GGN: variants seen among roughly 807,000 people sequenced by gnomAD.
GGN encodes gametogenetin.
A neutral mutation model predicts 35.5 loss-of-function variants in GGN; 27 were observed. The ratio of observed to expected loss-of-function variants is 0.76; its 90% CI spans 0.56 to 1.05. The LOEUF is 1.05. Among genes scored for constraint, GGN ranks in the 50% least tolerant of loss-of-function variants. The probability of loss-of-function intolerance (pLI) is 0.00; values close to 1 mark genes in which losing one functional copy is unlikely to be tolerated. For synonymous variants in GGN, 425 were observed against 444.1 expected, an observed-to-expected ratio of 0.96 and a Z score of 0.54; for missense variants, 1,006 against 940.7, an observed-to-expected ratio of 1.07 and a Z score of -0.91.
Position 38,386,768 on chromosome 19 carries a change from G to C in GGN, c.494C>G (p.Pro165Arg). Residue 165 changes from proline (P) to arginine (R), a missense_variant, in exon 3 of 4, where the codon CCG (proline) becomes CGG (arginine). Transcript: ENST00000334928. ...DTVPRAPSQF[P>R]PPLETWKPPP... ...CGGCTTCCAAGTCTCCAGGGGCGGC[G>C]GAAATTGGGATGGGGCCCTCGGGAC... is the stretch of plus-strand genomic sequence containing the variant. The C allele has an allele frequency of 6.2e-7, 1 of 1,610,404 alleles. No homozygotes were observed. The highest frequency in any genetic ancestry group is 8.5e-7 in the Non-Finnish European group (1 of 1,177,736).
rs1426422439 is a variant in GGN at position 38,386,884 on chromosome 19, C to T, written c.378G>A (p.Leu126=). The part of the protein sequence containing the change: ...GTPVPRIRRL[L]EASHRGQGDP... ...CGCCCTGGCCGCGATGGCTCGCCTCCAGCAGGCGGCGGATCCGGGGAACTG... is the reference window on the plus strand; with the variant it reads ...CGCCCTGGCCGCGATGGCTCGCCTCTAGCAGGCGGCGGATCCGGGGAACTG... The change falls in exon 3 of 4, where the codon CTG becomes CTA. Residue 126 remains leucine (L), a synonymous_variant. Coordinates refer to ENST00000334928, the MANE Select transcript of GGN (RefSeq NM_152657.4). 1.1e-5 allele frequency: 17 copies of T among 1,575,514 alleles called. No individual in the cohort carries two copies. The highest frequency in any genetic ancestry group is 1.5e-5 in the Non-Finnish European group (17 of 1,161,708).
chr19:38,384,352 T>C lies in GGN; in HGVS notation c.*60A>G. ...GCGAGTGATTGACAGGCTGCTGGCATCTGGATTGGTTATTTTATTGGCATG... is the reference window on the plus strand; with the variant it reads ...GCGAGTGATTGACAGGCTGCTGGCACCTGGATTGGTTATTTTATTGGCATG... On this transcript the variant is annotated 3_prime_UTR_variant, in exon 4 of 4. Transcript: ENST00000334928. The C allele has an allele frequency of 8.0e-7, 1 of 1,248,844 alleles. No individual in the cohort carries two copies. 77.4% of individuals were successfully genotyped at this position (1,248,844 alleles called of 1,614,324 possible).
At position 38,387,305 on chromosome 19, in the gene GGN, C is replaced by G. The variant is rs747274734; in HGVS notation, c.-19-25G>C. 6.5e-7 allele frequency: 1 copy of G among 1,527,330 alleles called. No individual in the cohort carries two copies. Among genetic ancestry groups the G allele is most frequent in the South Asian group, 1.2e-5 (1 of 82,006 alleles). The allele number at this position is 1,527,330 out of a possible 1,614,324, so 94.6% of individuals were successfully genotyped here. A position where few individuals can be genotyped will look rare whatever the true frequency, so the allele number is the denominator to read the frequency against. On this transcript the variant is annotated intron_variant, in intron 2 of 3. Transcript: ENST00000334928. This position sits in a 1 kb window ranked among gnomAD's most constrained non-coding sequence, Gnocchi z 5.3. ...ACTAGTCAGAAAAATTTACTCCAGT[C>G]AGCCTGCCAGGGCCGTGGGGACCCT...
chr19:38,385,462 G>T lies in GGN; in HGVS notation c.1800C>A (p.His600Gln). The T allele has an allele frequency of 1.2e-6, 2 of 1,614,170 alleles. No individual in the cohort carries two copies. Among genetic ancestry groups the T allele is most frequent in the South Asian group, 1.1e-5 (1 of 91,090 alleles). Residue 600 changes from histidine to glutamine, a missense_variant, in exon 3 of 4, where the codon CAC becomes CAA. By Grantham distance (24) the His-to-Gln change is conservative (BLOSUM62 0). Coordinates refer to ENST00000334928, the MANE Select transcript of GGN (RefSeq NM_152657.4). ...NSCPCKCYCH[H>Q]QPRHRRLPRN... ...GTGGCAGGCGGCGATGGCGTGGCTG[G>T]TGGTGGCAGTAACACTTGCAGGGAC...
rs765207652 is a variant in GGN at position 38,385,517 on chromosome 19, T to C, written c.1745A>G (p.His582Arg). 1 of 1,614,110 alleles carries C rather than the reference T, an allele frequency of 6.2e-7. No individual in the cohort carries two copies. The highest frequency in any genetic ancestry group is 1.1e-5 in the South Asian group (1 of 91,082). ...GTTAAGCACCTGGAAGGGCAGCCAGTGGCGCGCAGCGCGGGTGTTAGCTGC... is the reference window on the plus strand; with the variant it reads ...GTTAAGCACCTGGAAGGGCAGCCAGCGGCGCGCAGCGCGGGTGTTAGCTGC... ...TGAANTRAAR[H>R]WLPFQVLNSC... Residue 582 changes from histidine (H) to arginine (R), a missense_variant, in exon 3 of 4, where the codon CAC becomes CGC. Physicochemically the swap from His to Arg is conservative, Grantham distance 29. Transcript: ENST00000334928.
At position 38,387,223 on chromosome 19, in the gene GGN, G is replaced by T; in HGVS notation, c.39C>A (p.Gly13=). ...GGTCCGAGGGCTGCACTTTTCGGGA[G>T]CCCCCGCCCGCGGATGGCTCCGACT... The part of the protein sequence containing the change: ...NLQSEPSAGG[G]SRKVQPSDRA... The change falls in exon 3 of 4, where the codon GGC becomes GGA. Residue 13 remains glycine, a synonymous_variant. Coordinates refer to ENST00000334928, the MANE Select transcript of GGN (RefSeq NM_152657.4). The surrounding 1 kb of genome is among the most constrained non-coding windows in gnomAD (Gnocchi z 5.3). 2 of 1,593,642 alleles carry T rather than the reference G, an allele frequency of 1.3e-6. No homozygotes were observed. The highest frequency in any genetic ancestry group is 1.7e-6 in the Non-Finnish European group (2 of 1,171,428).
rs1319710066 is a variant in GGN at position 38,386,420 on chromosome 19, C to T, written c.842G>A (p.Gly281Asp). The T allele has an allele frequency of 3.1e-6, 5 of 1,612,818 alleles. No homozygotes were observed. Among genetic ancestry groups the T allele is most frequent in the Non-Finnish European group, 4.2e-6 (5 of 1,179,934 alleles). The change falls in exon 3 of 4, where the codon GGT (glycine) becomes GAT (aspartate). Residue 281 changes from glycine to aspartate, a missense_variant. Coordinates refer to ENST00000334928, the MANE Select transcript of GGN (RefSeq NM_152657.4). Reference sequence around the variant, plus strand: ...CAGGACCTCGGCGTAAGAGATGGCACCTGAGGCAGCAAAGAGGCCGCCGCC... The same window carrying T: ...CAGGACCTCGGCGTAAGAGATGGCATCTGAGGCAGCAAAGAGGCCGCCGCC... ...GGGGGLFAASGAISYAEVLKQ... is the reference protein window; with the variant it reads ...GGGGGLFAASDAISYAEVLKQ...
Position 38,385,765 on chromosome 19 carries a change from A to AGCCGGGGATGGGGCCGGGGCCGGG in GGN, c.1496_1497insCCCGGCCCCGGCCCCATCCCCGGC (p.Ala495_Pro502dup), listed in dbSNP as rs539043327. On this transcript the variant is annotated inframe_insertion, in exon 3 of 4. Coordinates refer to ENST00000334928, the MANE Select transcript of GGN (RefSeq NM_152657.4). Reference sequence around the variant, plus strand: ...AGGGCTCAGCCACGGTGGGAGCTGGAGCCGGGGATGGGGCCGGGGCCTGGT... The same window carrying AGCCGGGGATGGGGCCGGGGCCGGG: ...AGGGCTCAGCCACGGTGGGAGCTGGAGCCGGGGATGGGGCCGGGGCCGGGGCCGGGGATGGGGCCGGGGCCTGGT... 89,958 of 1,574,238 alleles carry AGCCGGGGATGGGGCCGGGGCCGGG rather than the reference A, an allele frequency of 0.057. 3,769 individuals are homozygous for AGCCGGGGATGGGGCCGGGGCCGGG. Among genetic ancestry groups the AGCCGGGGATGGGGCCGGGGCCGGG allele is most frequent in the East Asian group, 0.17 (7,516 of 43,340 alleles).
In GGN at chr19:38,387,224, C is replaced by T; in HGVS notation, c.38G>A (p.Gly13Asp). The change falls in exon 3 of 4, where the codon GGC becomes GAC. Residue 13 changes from glycine to aspartate, a missense_variant. Physicochemically the swap from Gly to Asp is moderately conservative, Grantham distance 94. Transcript: ENST00000334928. The surrounding 1 kb of genome is among the most constrained non-coding windows in gnomAD (Gnocchi z 5.3). Reference sequence around the variant, plus strand: ...GTCCGAGGGCTGCACTTTTCGGGAGCCCCCGCCCGCGGATGGCTCCGACTG... The same window carrying T: ...GTCCGAGGGCTGCACTTTTCGGGAGTCCCCGCCCGCGGATGGCTCCGACTG... ...NLQSEPSAGGGSRKVQPSDRA... is the reference protein window; with the variant it reads ...NLQSEPSAGGDSRKVQPSDRA... 2 of 1,594,506 alleles carry T rather than the reference C, an allele frequency of 1.3e-6. No individual in the cohort carries two copies. Among genetic ancestry groups the T allele is most frequent in the East Asian group, 2.3e-5 (1 of 43,580 alleles).
Position 38,386,205 on chromosome 19 carries a change from A to T in GGN, c.1057T>A (p.Trp353Arg). The T allele has an allele frequency of 6.2e-7, 1 of 1,605,352 alleles. No individual in the cohort carries two copies. The highest frequency in any genetic ancestry group is 8.5e-7 in the Non-Finnish European group (1 of 1,179,042). Residue 353 changes from tryptophan to arginine, a missense_variant, in exon 3 of 4, where the codon TGG (tryptophan) becomes AGG (arginine). By Grantham distance (101) the Trp-to-Arg change is moderately radical. Transcript: ENST00000334928. ...TFPGSKPKFD[W>R]VSAPDGPERH... ...TCAGGGCCGTCGGGAGCGCTAACCC[A>T]GTCGAATTTGGGCTTCGAGCCTGGG...
At position 38,385,796 on chromosome 19, in the gene GGN, G is replaced by A. The variant is rs1970704012; in HGVS notation, c.1466C>T (p.Ala489Val). 6.5e-7 allele frequency: 1 copy of A among 1,545,006 alleles called. No individual in the cohort carries two copies. The highest frequency in any genetic ancestry group is 2.0e-5 in the Admixed American group (1 of 50,750). ...TAAPALPPAL[A>V]ADQAPAPSPA... ...GGATGGGGCCGGGGCCTGGTCGGCGGCTAAGGCTGGGGGCAGAGCAGGGGC... is the reference window on the plus strand; with the variant it reads ...GGATGGGGCCGGGGCCTGGTCGGCGACTAAGGCTGGGGGCAGAGCAGGGGC... Residue 489 changes from alanine (A) to valine (V), a missense_variant, in exon 3 of 4, where the codon GCC becomes GTC. Transcript: ENST00000334928.
Position 38,384,329 on chromosome 19 carries a change from G to T in GGN, c.*83C>A. Reference sequence around the variant, plus strand: ...GCTGCACCCTACCCACTGCCTTGGCGAGTGATTGACAGGCTGCTGGCATCT... The same window carrying T: ...GCTGCACCCTACCCACTGCCTTGGCTAGTGATTGACAGGCTGCTGGCATCT... On this transcript the variant is annotated 3_prime_UTR_variant, in exon 4 of 4. Coordinates refer to ENST00000334928, the MANE Select transcript of GGN (RefSeq NM_152657.4). The T allele has an allele frequency of 5.0e-6, 5 of 995,962 alleles. No individual in the cohort carries two copies. Among genetic ancestry groups the T allele is most frequent in the Non-Finnish European group, 4.8e-6 (3 of 629,870 alleles). The allele number at this position is 995,962 out of a possible 1,614,324, so 61.7% of individuals were successfully genotyped here.
chr19:38,386,150 C>G lies in GGN; in HGVS notation c.1112G>C (p.Gly371Ala). ...ACGCCGTCGCGGCGCCCCGATGCCT[C>G]CGCCAGCCCCGTTGAAGCGGAAGTG... Reference protein sequence around the residue: ...ERHFRFNGAGGGIGAPRRRAA... With the variant: ...ERHFRFNGAGAGIGAPRRRAA... Residue 371 changes from glycine to alanine, a missense_variant, in exon 3 of 4, where the codon GGA becomes GCA. Coordinates refer to ENST00000334928, the MANE Select transcript of GGN (RefSeq NM_152657.4). 6.3e-7 allele frequency: 1 copy of G among 1,585,886 alleles called. No homozygotes were observed. Among genetic ancestry groups the G allele is most frequent in the South Asian group, 1.1e-5 (1 of 88,856 alleles).
Position 38,384,485 on chromosome 19 carries a change from G to A in GGN, c.1886C>T (p.Ala629Val). 1 of 1,614,070 alleles carries A rather than the reference G, an allele frequency of 6.2e-7. No individual in the cohort carries two copies. Among genetic ancestry groups the A allele is most frequent in the South Asian group, 1.1e-5 (1 of 91,080 alleles). Residue 629 changes from alanine (A) to valine (V), a missense_variant, in exon 4 of 4, where the codon GCC becomes GTC. Coordinates refer to ENST00000334928, the MANE Select transcript of GGN (RefSeq NM_152657.4). ...TNHLGEPPWV[A>V]TIKLSGSLVA... ...CAGAGAGCCGGACAGCTTGATGGTG[G>A]CAACCCAGGGTGGCTCGCCCAGGTG... is the stretch of plus-strand genomic sequence containing the variant.
In GGN at chr19:38,385,726, G is replaced by A. The variant is rs1273741339; in HGVS notation, c.1536C>T (p.Ser512=). Residue 512 remains serine, a synonymous_variant, in exon 3 of 4, where the codon TCC becomes TCT. Transcript: ENST00000334928. ...TGGGCGCAGCCGCGGGTGCGGGCGCGGACACAGGCGGCGAGGGCTCAGCCA... is the reference window on the plus strand; with the variant it reads ...TGGGCGCAGCCGCGGGTGCGGGCGCAGACACAGGCGGCGAGGGCTCAGCCA... The part of the protein sequence containing the change: ...PTVAEPSPPV[S]APAPAAAPIK... The A allele has an allele frequency of 1.2e-6, 2 of 1,603,800 alleles. No individual in the cohort carries two copies. The highest frequency in any genetic ancestry group is 2.7e-5 in the African/African-American group (2 of 73,640).
Position 38,387,422 on chromosome 19 carries a change from C to A in GGN, c.-19-142G>T. ...CAGGCCCAAGTCCTTAGGTCGCACTCCTGTTCCCCGACCTTCGACACTCAC... is the reference window on the plus strand; with the variant it reads ...CAGGCCCAAGTCCTTAGGTCGCACTACTGTTCCCCGACCTTCGACACTCAC... On this transcript the variant is annotated intron_variant, in intron 2 of 3. Coordinates refer to ENST00000334928, the MANE Select transcript of GGN (RefSeq NM_152657.4). The surrounding 1 kb of genome is among the most constrained non-coding windows in gnomAD (Gnocchi z 5.3). 7.3e-7 allele frequency: 1 copy of A among 1,363,510 alleles called. No homozygotes were observed. Among genetic ancestry groups the A allele is most frequent in the South Asian group, 1.5e-5 (1 of 65,838 alleles). 84.5% of individuals were successfully genotyped at this position (1,363,510 alleles called of 1,614,324 possible). A position where few individuals can be genotyped will look rare whatever the true frequency, so the allele number is the denominator to read the frequency against.
Position 38,387,027 on chromosome 19 carries a change from G to C in GGN, c.235C>G (p.Arg79Gly), listed in dbSNP as rs746259432. 1.9e-6 allele frequency: 3 copies of C among 1,552,906 alleles called. No individual in the cohort carries two copies. The highest frequency in any genetic ancestry group is 2.6e-6 in the Non-Finnish European group (3 of 1,148,058). ...GGAGGGGGCATCACTGGAGAGGGCCGTTCTAAGGTGAGGGGCAGGGTCGAG... is the reference window on the plus strand; with the variant it reads ...GGAGGGGGCATCACTGGAGAGGGCCCTTCTAAGGTGAGGGGCAGGGTCGAG... Reference protein sequence around the residue: ...SPSTLPLTLERPSPVMPPPEE... With the variant: ...SPSTLPLTLEGPSPVMPPPEE... Residue 79 changes from arginine (R) to glycine (G), a missense_variant, in exon 3 of 4, where the codon CGG becomes GGG. Arg to Gly is a moderately radical substitution (Grantham distance 125, BLOSUM62 -2). Transcript: ENST00000334928. This position sits in a 1 kb window ranked among gnomAD's most constrained non-coding sequence, Gnocchi z 5.3.
rs1483921063 is a variant in GGN at position 38,386,943 on chromosome 19, C to G, written c.319G>C (p.Gly107Arg). 3.2e-6 allele frequency: 5 copies of G among 1,542,364 alleles called. No individual in the cohort carries two copies. In the Admixed American group the frequency reaches 1.0e-4, roughly 31 times the overall value. ...PPAPAGTLLPGPSKWQKPAGT... is the reference protein window; with the variant it reads ...PPAPAGTLLPRPSKWQKPAGT... ...GCGGGCTTTTGCCATTTAGACGGGC[C>G]GGGCAGCAGAGTCCCCGCGGGGGCC... Residue 107 changes from glycine to arginine, a missense_variant, in exon 3 of 4, where the codon GGC becomes CGC. By Grantham distance (125) the Gly-to-Arg change is moderately radical. Coordinates refer to ENST00000334928, the MANE Select transcript of GGN (RefSeq NM_152657.4).
At position 38,385,443 on chromosome 19, in the gene GGN, G is replaced by A. The variant is rs921389687; in HGVS notation, c.1819C>T (p.Leu607=). Residue 607 remains leucine, a synonymous_variant, in exon 3 of 4, where the codon CTG becomes TTG. Coordinates refer to ENST00000334928, the MANE Select transcript of GGN (RefSeq NM_152657.4). Reference sequence around the variant, plus strand: ...CACCAGGCAGAGACGTTGCGTGGCAGGCGGCGATGGCGTGGCTGGTGGTGG... The same window carrying A: ...CACCAGGCAGAGACGTTGCGTGGCAAGCGGCGATGGCGTGGCTGGTGGTGG... ...YCHHQPRHRR[L]PRNVSAWLST... 34 of 1,614,158 alleles carry A rather than the reference G, an allele frequency of 2.1e-5. No individual in the cohort carries two copies. Among genetic ancestry groups the A allele is most frequent in the Non-Finnish European group, 2.6e-5 (31 of 1,180,046 alleles).
Sources: gnomAD v4.1 joint callset for allele counts on GRCh38, gnomAD v4.1.1 for gene constraint, Gnocchi (gnomAD v3.1) non-coding constraint, MANE v1.5 for transcripts, NCBI Gene and HGNC (gene_info 2026-07-23, HGNC 2026-07-21) for gene names.